The following MYO19 variants were observed in gnomAD, a reference collection of about 807,000 sequenced individuals.
MYO19 encodes the protein unconventional myosin-XIX.
A neutral mutation model predicts 129.2 loss-of-function variants in MYO19; 132 were observed. The observed-to-expected ratio is 1.02, with a 90% CI of 0.89 to 1.18. The LOEUF (loss-of-function observed/expected upper bound fraction) is 1.18. MYO19 is among the 50% of genes most tolerant of loss of function. The pLI is 0.00. For missense variants in MYO19, 1,210 were observed against 1,216.7 expected (o/e 0.99, Z 0.08); for synonymous variants, 531 against 477.2 (o/e 1.11, Z -1.47).
intron 11 of MYO19, 57 bp from the exon 12 acceptor site, chr17:36,511,512 T>A: frequency 2.7e-6 from 4 of 1,459,362 alleles, no homozygotes; most frequent in Non-Finnish European, 3.8e-6. Context: ...GGGCCTACTC[T>A]GGGAAGGGCC....
At chr17:36,512,403 A>G (rs1029686320) in intron 11 of MYO19, among the ~76,000 whole-genome samples, 5 of 151,618 alleles carry the variant, frequency 3.3e-5, no homozygotes, top group African/African-American at 9.7e-5. Context: ...AAAAAAAAAA[A>G]AAAAGAAAAA....
At chr17:36,509,661 A>G (rs1160399593) in intron 13 of MYO19, 1 of 169,980 alleles carries the variant, frequency 5.9e-6, no homozygotes, top group Non-Finnish European at 1.3e-5. Flanking sequence ...AGAAGATGAG[A>G]CTACCACACA....
upstream of MYO19, chr17:36,538,617 T>C (rs1203955065): frequency 1.3e-6 from 2 of 1,576,318 alleles, no homozygotes; most frequent in Non-Finnish European, 1.7e-6. Flanking sequence ...ATTTTGGTGA[T>C]CAGCAGGAGT....
chr17:36,536,705 G>A (rs1487551629), upstream of MYO19, among the ~76,000 whole-genome samples: 1 of 151,960 alleles, frequency 6.6e-6, no homozygotes, highest in Non-Finnish European at 1.5e-5. Flanking sequence ...AGTAGAGACG[G>A]GCTTTCACCA....
intron 14 of MYO19, 21 bp from the exon 15 acceptor site, chr17:36,507,945 C>A: frequency 6.3e-7 from 1 of 1,580,422 alleles, no homozygotes; most frequent in Non-Finnish European, 8.6e-7. Flanking sequence ...GGCAGAGAAC[C>A]CATGGGGCCA....
intron 6 of MYO19, among the ~76,000 whole-genome samples, chr17:36,524,159 C>T (rs2073315481): frequency 6.6e-6 from 1 of 152,204 alleles, no homozygotes; most frequent in Admixed American, 6.5e-5. Context: ...GCATAAGCCA[C>T]TTCACTAGCC....
At chr17:36,538,340 T>G (rs1444984264), upstream of MYO19, 1 of 1,614,164 alleles carries the variant, frequency 6.2e-7, no homozygotes, top group African/African-American at 1.3e-5. Context: ...CTTGGAAACT[T>G]ATCCAGTCAC....
chr17:36,523,490 T>TG (rs1355357047), intron 6 of MYO19, among the ~76,000 whole-genome samples: 1 of 152,124 alleles, frequency 6.6e-6, no homozygotes, highest in Non-Finnish European at 1.5e-5. Context: ...ACTAAACAAG[T>TG]GAAAAAATGG....
In MYO19 at chr17:36,506,993, G is replaced by A; in HGVS notation, c.1614C>T (p.Tyr538=). The A allele has an allele frequency of 1.9e-6, 3 of 1,609,754 alleles. No individual in the cohort carries two copies. The highest frequency in any genetic ancestry group is 2.5e-6 in the Non-Finnish European group (3 of 1,176,742). Residue 538 remains tyrosine, a synonymous_variant, in exon 17 of 26, where the codon TAC becomes TAT. Coordinates refer to ENST00000614623, the MANE Select transcript of MYO19 (RefSeq NM_001163735.2). Reference sequence around the variant, plus strand: ...TCTTCTCCACCAGGCCTGCTGTGTGGTACCGCACAGGCCCCGCATAATGCA... The same window carrying A: ...TCTTCTCCACCAGGCCTGCTGTGTGATACCGCACAGGCCCCGCATAATGCA... ...IVVHYAGPVR[Y]HTAGLVEKNK...
rs1227248080 is a variant in MYO19 at position 36,503,180 on chromosome 17, AC to A, written c.1996del (p.Val666Ter). 2 of 1,614,036 alleles carry A rather than the reference AC, an allele frequency of 1.2e-6. No individual in the cohort carries two copies. Among genetic ancestry groups the A allele is most frequent in the Non-Finnish European group, 1.7e-6 (2 of 1,179,892 alleles). ...FPIRVSHRNF[V>X]ERYKLLRRLH... Reference sequence around the variant, plus strand: ...CCTTCTTAGTAACTTGTATCGTTCTACAAAGTTTCGGTGAGAGACCCTGGAG... The same window carrying A: ...CCTTCTTAGTAACTTGTATCGTTCTAAAAGTTTCGGTGAGAGACCCTGGAG... On this transcript the variant is annotated frameshift_variant, in exon 21 of 26. Coordinates refer to ENST00000614623, the MANE Select transcript of MYO19 (RefSeq NM_001163735.2). LOFTEE classifies it high-confidence loss of function.
At chr17:36,507,203 C>T in intron 16 of MYO19, 64 bp from the exon 17 acceptor site, 3 of 1,564,196 alleles carry the variant, frequency 1.9e-6, no homozygotes, top group South Asian at 1.2e-5. Context: ...CCCTCACTGT[C>T]CCCACCCTGT....
chr17:36,516,044 A>G, intron 6 of MYO19, 54 bp from the exon 7 acceptor site: 1 of 1,539,852 alleles, frequency 6.5e-7, no homozygotes, highest in Non-Finnish European at 8.8e-7. Flanking sequence ...CCCACTTCTG[A>G]GCCTGCCTGA....
intron 17 of MYO19, 98 bp from the exon 18 acceptor site, chr17:36,506,706 T>A (rs1159021241): frequency 1.4e-6 from 2 of 1,396,548 alleles, no homozygotes; most frequent in Non-Finnish European, 1.9e-6. Flanking sequence ...GGCTTCCAGG[T>A]AGGACAGGGC....
intron 25 of MYO19, among the ~76,000 whole-genome samples, chr17:36,497,403 A>G (rs1376630806): frequency 6.6e-6 from 1 of 152,078 alleles, no homozygotes; most frequent in African/African-American, 2.4e-5. Context: ...AAACCAAGCA[A>G]TACAATTTGG....
At position 36,498,636 on chromosome 17, in the gene MYO19, T is replaced by C. The variant is rs898697207; in HGVS notation, c.2464-77A>G. 6.2e-6 allele frequency: 9 copies of C among 1,444,210 alleles called. No homozygotes were observed. In the Admixed American group the frequency reaches 2.2e-4, roughly 35 times the overall value. 89.5% of individuals were successfully genotyped at this position (1,444,210 alleles called of 1,614,324 possible). A position where few individuals can be genotyped will look rare whatever the true frequency, so the allele number is the denominator to read the frequency against. ...CAGAAAATGGAAATCAAAACTATCTTTAACAAATCATCTTAACAAGGTGAA... is the reference window on the plus strand; with the variant it reads ...CAGAAAATGGAAATCAAAACTATCTCTAACAAATCATCTTAACAAGGTGAA... On this transcript the variant is annotated intron_variant, in intron 24 of 25. Transcript: ENST00000614623.
intron 7 of MYO19, 21 bp downstream of exon 7, chr17:36,515,837 T>C: frequency 6.2e-7 from 1 of 1,605,972 alleles, no homozygotes; most frequent in Non-Finnish European, 8.5e-7. Context: ...TGAGATACTG[T>C]GCAAAGGAGC....
In MYO19 at chr17:36,510,879, C is replaced by T. The variant is rs200728833; in HGVS notation, c.1024G>A (p.Glu342Lys). 2,241 of 1,582,372 alleles carry T rather than the reference C, an allele frequency of 1.4e-3. 3 individuals carry two copies. The highest frequency in any genetic ancestry group is 1.7e-3 in the Non-Finnish European group (1,954 of 1,164,042). ...RTAASLLGLPEDVLLEMVQIR... is the reference protein window; with the variant it reads ...RTAASLLGLPKDVLLEMVQIR... ...TGCACCATCTCCAGCAGCACGTCCT[C>T]TGGGAGCCCCAGCAGCGAGGCTGCC... is the stretch of plus-strand genomic sequence containing the variant. Residue 342 changes from glutamate to lysine, a missense_variant, in exon 13 of 26, where the codon GAG becomes AAG. Physicochemically the swap from Glu to Lys is moderately conservative, Grantham distance 56. Coordinates refer to ENST00000614623, the MANE Select transcript of MYO19 (RefSeq NM_001163735.2).
At chr17:36,521,484 AC>A (rs1156622446) in intron 6 of MYO19, among the ~76,000 whole-genome samples, 1 of 152,240 alleles carries the variant, frequency 6.6e-6, no homozygotes, top group African/African-American at 2.4e-5. Flanking sequence ...ACATGATTAC[AC>A]AACTAACCAA....
chr17:36,516,116 G>C, intron 6 of MYO19, 126 bp from the exon 7 acceptor site: 2 of 1,163,288 alleles, frequency 1.7e-6, no homozygotes, highest in Non-Finnish European at 1.2e-6. Flanking sequence ...ATGGGTGAAG[G>C]CAGAATTCAA....
Sources: allele counts gnomAD v4.1 joint callset (sites outside exome capture counted in the v4.1 genomes callset), GRCh38; gene constraint gnomAD v4.1.1; transcripts MANE v1.5; gene names NCBI Gene and HGNC (gene_info 2026-07-23, HGNC 2026-07-21).